The following AHNAK2 variants were observed in gnomAD, a reference collection of about 807,000 sequenced individuals.
AHNAK2 encodes protein AHNAK2.
Under a neutral mutation model 30.7 loss-of-function variants are expected in AHNAK2, and 18 were observed. That is an observed-to-expected ratio of 0.59 (90% CI 0.41 to 0.87). The LOEUF is 0.87. Ranked by LOEUF, AHNAK2 falls within the 40% of genes least tolerant of loss-of-function variation. AHNAK2 has a pLI of 0.00. For synonymous variants in AHNAK2, 3,590 were observed against 3,073.8 expected (o/e 1.17, Z -5.56); for missense variants, 8,604 against 7,373.0 (o/e 1.17, Z -6.11).
At chr14:104,967,308 C>T (rs1866775898) in intron 1 of AHNAK2, among the ~76,000 whole-genome samples, 1 of 152,050 alleles carries the variant, frequency 6.6e-6, no homozygotes, top group African/African-American at 2.4e-5. Flanking sequence ...AGGGCAACTC[C>T]TCGGAGAAGG....
In AHNAK2 at chr14:104,957,475, G is replaced by C. The variant is rs772349983; in HGVS notation, c.148C>G (p.Pro50Ala). Residue 50 changes from proline to alanine, a missense_variant, in exon 3 of 7, where the codon CCA becomes GCA. By Grantham distance (27) the Pro-to-Ala change is conservative (BLOSUM62 -1). Coordinates refer to ENST00000333244, the MANE Select transcript of AHNAK2 (RefSeq NM_138420.4). The part of the protein sequence containing the change: ...TEGPADEGIR[P>A]RPQGSSPVYE... ...ACAGGTGAAGACCCCTGCGGCCGTG[G>C]TCGAATGCCCTCATCCGCAGGCCCT... 19 of 1,601,954 alleles carry C rather than the reference G, an allele frequency of 1.2e-5. No individual in the cohort carries two copies. The highest frequency in any genetic ancestry group is 1.7e-5 in the Admixed American group (1 of 59,420).
chr14:104,948,921 T>C lies in AHNAK2; in HGVS notation c.6530A>G (p.Asp2177Gly). The C allele has an allele frequency of 1.3e-6, 2 of 1,592,632 alleles. No individual in the cohort carries two copies. The highest frequency in any genetic ancestry group is 1.4e-5 in the African/African-American group (1 of 72,818). Residue 2177 changes from aspartate to glycine, a missense_variant, in exon 7 of 7, where the codon GAT becomes GGT. Asp to Gly is a moderately conservative substitution (Grantham distance 94). Transcript: ENST00000333244. Reference sequence around the variant, plus strand: ...GGCCTCCACCTTGGGTGGAGACACATCCACCGAGGCCTCGATGGACTTGCC... The same window carrying C: ...GGCCTCCACCTTGGGTGGAGACACACCCACCGAGGCCTCGATGGACTTGCC... ...APGKSIEASV[D>G]VSPPKVEADM...
rs1006256559 is a variant in AHNAK2 at position 104,975,762 on chromosome 14, G to C, written c.55+2421C>G. Among the ~76,000 whole-genome samples the C allele has an allele frequency of 7.9e-5, 12 of 152,294 alleles. No homozygotes were observed. In the East Asian group the frequency reaches 2.1e-3, roughly 27 times the overall value. ...GAGACACCAGGGTGGTGACAGACCC[G>C]CCCGCGCTGTCACTCGGCATCCCTG... On this transcript the variant is annotated intron_variant, in intron 1 of 6. Transcript: ENST00000333244.
chr14:104,952,364 C>T lies in AHNAK2; in HGVS notation c.3087G>A (p.Glu1029=), dbSNP rs766896625. The change falls in exon 7 of 7, where the codon GAG becomes GAA. Residue 1029 remains glutamate (E), a synonymous_variant. Coordinates refer to ENST00000333244, the MANE Select transcript of AHNAK2 (RefSeq NM_138420.4). ...ALVDVSAPKV[E]ADLSLPSMQG... is the part of the protein sequence containing the mutation. ...GCATGGAGGGGAGACTCAGGTCGGC[C>T]TCCACCTTGGGTGCAGACACATCCA... is the stretch of plus-strand genomic sequence containing the variant. 71 of 1,612,736 alleles carry T rather than the reference C, an allele frequency of 4.4e-5. No individual in the cohort carries two copies. Among genetic ancestry groups the T allele is most frequent in the South Asian group, 2.5e-4 (23 of 91,048 alleles).
In AHNAK2 at chr14:104,942,435, C is replaced by T; in HGVS notation, c.13016G>A (p.Gly4339Glu). 1.2e-6 allele frequency: 2 copies of T among 1,613,082 alleles called. No homozygotes were observed. Among genetic ancestry groups the T allele is most frequent in the Non-Finnish European group, 1.7e-6 (2 of 1,179,602 alleles). The change falls in exon 7 of 7, where the codon GGG (glycine) becomes GAG (glutamate). Residue 4339 changes from glycine (G) to glutamate (E), a missense_variant. Gly to Glu is a moderately conservative substitution (Grantham distance 98). Transcript: ENST00000333244. ...GCTGAGGTGAGTGGTCTTCAGGTCC[C>T]CCTGCATGGAGGGGAGGCTCACGTC... The part of the protein sequence containing the change: ...EADVSLPSMQ[G>E]DLKTTHLSIQ...
intron 1 of AHNAK2, among the ~76,000 whole-genome samples, chr14:104,971,713 C>G (rs1899476670): frequency 6.6e-6 from 1 of 152,240 alleles, no homozygotes; most frequent in East Asian, 1.9e-4. Context: ...GGGCCCTTAG[C>G]CCCCACTCCT....
chr14:104,939,839 G>A lies in AHNAK2; in HGVS notation c.15612C>T (p.Phe5204=). The A allele has an allele frequency of 6.2e-7, 1 of 1,613,862 alleles. No individual in the cohort carries two copies. Among genetic ancestry groups the A allele is most frequent in the South Asian group, 1.1e-5 (1 of 91,082 alleles). The stretch of plus-strand genomic sequence containing the variant: ...GCTTTCCAGCCCCGCCTCTGTCCCT[G>A]AAAGAGCGCCTAAGGCTGGGCATGC... ...KFRMPSLRRS[F]RDRGGAGKLE... Residue 5204 remains phenylalanine (F), a synonymous_variant, in exon 7 of 7, where the codon TTC becomes TTT. Transcript: ENST00000333244.
intron 5 of AHNAK2, 45 bp from the exon 6 acceptor site, chr14:104,955,186 A>G: frequency 1.3e-6 from 2 of 1,563,698 alleles, no homozygotes; most frequent in Non-Finnish European, 1.7e-6. Context: ...TGTGAATGAG[A>G]CGGGGTCTGC....
rs1204657925 is a variant in AHNAK2, at chr14:104,940,135, A to T, written c.15316T>A (p.Ser5106Thr). 1 of 1,613,200 alleles carries T rather than the reference A, an allele frequency of 6.2e-7. No homozygotes were observed. Among genetic ancestry groups the T allele is most frequent in the Admixed American group, 1.7e-5 (1 of 60,006 alleles). Residue 5106 changes from serine to threonine, a missense_variant, in exon 7 of 7, where the codon TCC becomes ACC. Transcript: ENST00000333244. This position sits in a 1 kb window ranked among gnomAD's most constrained non-coding sequence, Gnocchi z 4.4. The part of the protein sequence containing the change: ...SLGFAKPDLR[S>T]SKAKVEVSQP... Reference sequence around the variant, plus strand: ...CTCACCTCCACCTTGGCCTTGGAGGATCTGAGATCAGGTTTGGCAAAGCCC... The same window carrying T: ...CTCACCTCCACCTTGGCCTTGGAGGTTCTGAGATCAGGTTTGGCAAAGCCC...
At chr14:104,967,718 A>G (rs1899342917) in intron 1 of AHNAK2, among the ~76,000 whole-genome samples, 1 of 151,982 alleles carries the variant, frequency 6.6e-6, no homozygotes, top group Admixed American at 6.5e-5. Flanking sequence ...GGACCCCTCC[A>G]GTCACTGGGC....
rs369804430 is a variant in AHNAK2, at chr14:104,948,826, C to T, written c.6625G>A (p.Asp2209Asn). ...TDLSIQPLSA[D>N]VKVQAGQVDV... is the part of the protein sequence containing the mutation. ...ACCTGGCCAGCCTGGACCTTCACGT[C>T]GGCGGAAAGGGGCTGAATGCTGAGG... is the stretch of plus-strand genomic sequence containing the variant. Residue 2209 changes from aspartate to asparagine, a missense_variant, in exon 7 of 7, where the codon GAC (aspartate) becomes AAC (asparagine). Physicochemically the swap from Asp to Asn is conservative, Grantham distance 23 (BLOSUM62 1). Coordinates refer to ENST00000333244, the MANE Select transcript of AHNAK2 (RefSeq NM_138420.4). The T allele has an allele frequency of 3.4e-5, 55 of 1,612,212 alleles. No homozygotes were observed. In the African/African-American group the frequency reaches 5.1e-4, roughly 15 times the overall value.
intron 1 of AHNAK2, among the ~76,000 whole-genome samples, chr14:104,977,230 C>A (rs1372457262): frequency 2.6e-5 from 4 of 152,174 alleles, no homozygotes; most frequent in Non-Finnish European, 1.5e-5. Flanking sequence ...TGCCGGCCAG[C>A]CCAACCCCCT....
At chr14:104,962,049 G>C (rs551545706) in intron 1 of AHNAK2, among the ~76,000 whole-genome samples, 4 of 152,186 alleles carry the variant, frequency 2.6e-5, no homozygotes, top group Non-Finnish European at 5.9e-5. Flanking sequence ...ACTGAAAGGA[G>C]AAATAAATCC....
chr14:104,968,105 C>T (rs1172440848), intron 1 of AHNAK2, among the ~76,000 whole-genome samples: 1 of 152,256 alleles, frequency 6.6e-6, no homozygotes, highest in Non-Finnish European at 1.5e-5. Flanking sequence ...CCGTTGGCAC[C>T]TGGTTCCTTC....
chr14:104,955,691 C>A, intron 4 of AHNAK2, 58 bp from the exon 5 acceptor site: 1 of 1,581,556 alleles, frequency 6.3e-7, no homozygotes, highest in Non-Finnish European at 8.6e-7. Flanking sequence ...CCATAAGCAT[C>A]CCTGCTGGGG....
In AHNAK2 at chr14:104,947,828, C is replaced by A. The variant is rs370401477; in HGVS notation, c.7623G>T (p.Glu2541Asp). 20 of 1,612,634 alleles carry A rather than the reference C, an allele frequency of 1.2e-5. No individual in the cohort carries two copies. The African/African-American group carries it at 2.3e-4, about 18-fold the overall frequency. Reference sequence around the variant, plus strand: ...TCACGTCCACTTGGCCAGCCTGGACCTCCAGGTCAGCGGAAGGGGGCTGAA... The same window carrying A: ...TCACGTCCACTTGGCCAGCCTGGACATCCAGGTCAGCGGAAGGGGGCTGAA... ...LSIQPPSADL[E>D]VQAGQVDVKL... The change falls in exon 7 of 7, where the codon GAG (glutamate) becomes GAT (aspartate). Residue 2541 changes from glutamate (E) to aspartate (D), a missense_variant. Physicochemically the swap from Glu to Asp is conservative, Grantham distance 45. Coordinates refer to ENST00000333244, the MANE Select transcript of AHNAK2 (RefSeq NM_138420.4).
At position 104,947,939 on chromosome 14, in the gene AHNAK2, G is replaced by T. The variant is rs778443688; in HGVS notation, c.7512C>A (p.Ala2504=). Residue 2504 remains alanine (A), a synonymous_variant, in exon 7 of 7, where the codon GCC becomes GCA. Transcript: ENST00000333244. ...GVSAPGKSIE[A]SVDVSAPKVE... Reference sequence around the variant, plus strand: ...CCTTCGGCGCAGACACATCCACCGAGGCCTCGATGGACTTGCCTGGGGCAG... The same window carrying T: ...CCTTCGGCGCAGACACATCCACCGATGCCTCGATGGACTTGCCTGGGGCAG... The T allele has an allele frequency of 2.5e-6, 4 of 1,611,888 alleles. No individual in the cohort carries two copies. Among genetic ancestry groups the T allele is most frequent in the Non-Finnish European group, 3.4e-6 (4 of 1,179,324 alleles).
At position 104,954,272 on chromosome 14, in the gene AHNAK2, C is replaced by G; in HGVS notation, c.1179G>C (p.Met393Ile). ...QDREVMPAQS[M>I]PLPTELGDPR... ...GGTCACCGAGCTCTGTGGGCAATGG[C>G]ATGCTCTGAGCAGGCATCACTTCTC... is the stretch of plus-strand genomic sequence containing the variant. Residue 393 changes from methionine to isoleucine, a missense_variant, in exon 7 of 7, where the codon ATG becomes ATC. Transcript: ENST00000333244. This position sits in a 1 kb window ranked among gnomAD's most constrained non-coding sequence, Gnocchi z 4.3. 6.2e-7 allele frequency: 1 copy of G among 1,613,366 alleles called. No individual in the cohort carries two copies. The highest frequency in any genetic ancestry group is 8.5e-7 in the Non-Finnish European group (1 of 1,179,874).
At position 104,942,642 on chromosome 14, in the gene AHNAK2, GCCT is replaced by G. The variant is rs1566898870; in HGVS notation, c.12806_12808del (p.Glu4269del). The stretch of plus-strand genomic sequence containing the variant: ...CACACTGTCCAGCTTGGCTCCCGGG[GCCT>G]CGACGTCCACCTCCATGCTGGGCAG... On this transcript the variant is annotated inframe_deletion, in exon 7 of 7. Coordinates refer to ENST00000333244, the MANE Select transcript of AHNAK2 (RefSeq NM_138420.4). The G allele has an allele frequency of 6.2e-7, 1 of 1,613,372 alleles. No homozygotes were observed.
Sources: gnomAD v4.1 joint callset for allele counts (sites outside exome capture counted in the v4.1 genomes callset) on GRCh38, gnomAD v4.1.1 for gene constraint, Gnocchi (gnomAD v3.1) non-coding constraint, MANE v1.5 for transcripts, NCBI Gene and HGNC (gene_info 2026-07-23, HGNC 2026-07-21) for gene names.